The following CA10 variants were observed in gnomAD, a reference collection of about 807,000 sequenced individuals.
CA10 encodes the protein carbonic anhydrase 10 (inactive).
In CA10, 14 loss-of-function variants were observed where a neutral mutation model predicts 44.2. The observed-to-expected ratio is 0.32, with a 90% CI of 0.21 to 0.50. The LOEUF is 0.50. Among genes scored for constraint, CA10 ranks in the 20% least tolerant of loss-of-function variants. The probability of loss-of-function intolerance (pLI) is 0.99; values close to 1 mark genes in which losing one functional copy is unlikely to be tolerated. For synonymous variants in CA10, 159 were observed against 141.6 expected, an observed-to-expected ratio of 1.12 and a Z score of -0.87; for missense variants, 350 against 409.7, an observed-to-expected ratio of 0.85 and a Z score of 1.26.
chr17:52,071,142 A>G (rs528341171), intron 2 of CA10, among the ~76,000 whole-genome samples: 1 of 152,320 alleles, frequency 6.6e-6, no homozygotes, highest in South Asian at 2.1e-4. Flanking sequence ...AAATTGTTAT[A>G]TCATTAGAAA....
intron 4 of CA10, among the ~76,000 whole-genome samples, chr17:51,690,245 G>A (rs772647618): frequency 3.3e-5 from 5 of 152,108 alleles, no homozygotes; most frequent in Admixed American, 6.5e-5. Flanking sequence ...ACCATGCCTC[G>A]GCCCCTCTCT....
intron 4 of CA10, among the ~76,000 whole-genome samples, chr17:51,663,041 T>C (rs896256622): frequency 6.6e-6 from 1 of 152,166 alleles, no homozygotes; most frequent in Admixed American, 6.5e-5. Context: ...CCTCTGATTA[T>C]TTCTTTATGC....
chr17:52,123,023 T>A (rs1278541537), intron 1 of CA10, among the ~76,000 whole-genome samples: 1 of 152,148 alleles, frequency 6.6e-6, no homozygotes, highest in Non-Finnish European at 1.5e-5. Flanking sequence ...TAGGCCAAGA[T>A]ATCTGAATTT....
chr17:51,861,200 T>C (rs1454485056), intron 3 of CA10, among the ~76,000 whole-genome samples: 1 of 152,162 alleles, frequency 6.6e-6, no homozygotes, highest in Admixed American at 6.5e-5. Flanking sequence ...ATACTCCTAG[T>C]AGTGTCAGCT....
intron 2 of CA10, among the ~76,000 whole-genome samples, chr17:52,057,599 G>A (rs991295531): frequency 7.2e-5 from 11 of 152,024 alleles, no homozygotes; most frequent in Admixed American, 2.6e-4. Flanking sequence ...ATTTTTGGCG[G>A]CATGGGGGTC....
intron 2 of CA10, among the ~76,000 whole-genome samples, chr17:52,040,097 C>T (rs1555560907): frequency 1.3e-5 from 2 of 150,922 alleles, no homozygotes; most frequent in Non-Finnish European, 3.0e-5. Context: ...TGGGAAGTAA[C>T]AAATATTCTT....
chr17:52,084,414 T>A (rs1413212949), intron 1 of CA10, among the ~76,000 whole-genome samples: 1 of 151,466 alleles, frequency 6.6e-6, no homozygotes, highest in African/African-American at 2.4e-5. Context: ...CACATACTTA[T>A]AAGTGGTAGA....
chr17:52,052,144 G>T (rs1987090431), intron 2 of CA10, among the ~76,000 whole-genome samples: 1 of 151,844 alleles, frequency 6.6e-6, no homozygotes, highest in Admixed American at 6.6e-5. Flanking sequence ...GGAGGGTGGG[G>T]GAAGGGAGGA....
chr17:51,833,889 A>G (rs561557855), intron 3 of CA10, among the ~76,000 whole-genome samples: 5 of 152,334 alleles, frequency 3.3e-5, no homozygotes, highest in Non-Finnish European at 7.4e-5. Context: ...GGTGTATCAC[A>G]TTGCTGAAAA....
At chr17:51,734,502 A>C (rs951345194) in intron 4 of CA10, among the ~76,000 whole-genome samples, 2 of 152,190 alleles carry the variant, frequency 1.3e-5, no homozygotes, top group Non-Finnish European at 2.9e-5. Flanking sequence ...ACCAGGACTT[A>C]ACTGGTGTCA....
intron 4 of CA10, among the ~76,000 whole-genome samples, chr17:51,709,650 G>C (rs1915868762): frequency 6.6e-6 from 1 of 152,254 alleles, no homozygotes; most frequent in Non-Finnish European, 1.5e-5. Context: ...GAACTTACTA[G>C]ACAGAATAGC....
chr17:51,731,780 C>G (rs1421318800), intron 4 of CA10, among the ~76,000 whole-genome samples: 1 of 151,834 alleles, frequency 6.6e-6, no homozygotes, highest in East Asian at 1.9e-4. Context: ...TGGATTCAAG[C>G]AATTCTTGTG....
chr17:51,875,635 A>T (rs1209182918), intron 3 of CA10, among the ~76,000 whole-genome samples: 1 of 152,070 alleles, frequency 6.6e-6, no homozygotes, highest in Non-Finnish European at 1.5e-5. Flanking sequence ...GTTTTTACTT[A>T]TTTTTAATTT....
At chr17:52,063,407 C>T (rs757243935) in intron 2 of CA10, among the ~76,000 whole-genome samples, 24 of 152,162 alleles carry the variant, frequency 1.6e-4, no homozygotes, top group Admixed American at 8.5e-4. Flanking sequence ...GAGAGTCAAG[C>T]GTGGAATGCT....
rs547097557 is a variant in CA10, at chr17:51,993,502, T to C, written c.137-62370A>G. Among the ~76,000 whole-genome samples, 4 of 152,150 alleles carry C rather than the reference T, an allele frequency of 2.6e-5. No individual in the cohort carries two copies. The South Asian group carries it at 8.3e-4, about 32-fold the overall frequency. ...TTGGAGAACTGATATAGTTATTTAT[T>C]AGCATCCGTGTAACCATGAACAGAA... On this transcript the variant is annotated intron_variant, in intron 2 of 8. Coordinates refer to ENST00000451037, the MANE Select transcript of CA10 (RefSeq NM_020178.5).
At chr17:52,026,983 T>G (rs1986322348) in intron 2 of CA10, among the ~76,000 whole-genome samples, 1 of 152,128 alleles carries the variant, frequency 6.6e-6, no homozygotes, top group African/African-American at 2.4e-5. Context: ...ATTGTGTGCT[T>G]GATTTCTATT....
chr17:52,141,085 G>A (rs1405589398), intron 1 of CA10, among the ~76,000 whole-genome samples: 1 of 152,120 alleles, frequency 6.6e-6, no homozygotes, highest in African/African-American at 2.4e-5. Flanking sequence ...AGAGCTGGCA[G>A]AAGAAGAGTA....
chr17:52,083,388 G>T (rs925914230), intron 1 of CA10, among the ~76,000 whole-genome samples: 1 of 152,050 alleles, frequency 6.6e-6, no homozygotes, highest in Non-Finnish European at 1.5e-5. Flanking sequence ...GTGTCACTTT[G>T]GGCGAATTAT....
chr17:51,977,652 GCATTT>G (rs1193557719), intron 2 of CA10, among the ~76,000 whole-genome samples: 10 of 152,006 alleles, frequency 6.6e-5, no homozygotes, highest in African/African-American at 2.2e-4. Context: ...TATATTGACA[GCATTT>G]CATTTAATAT....
Sources: allele counts gnomAD v4.1 joint callset (sites outside exome capture counted in the v4.1 genomes callset), GRCh38; gene constraint gnomAD v4.1.1; transcripts MANE v1.5; gene names NCBI Gene and HGNC (gene_info 2026-07-23, HGNC 2026-07-21).